Variants in ZMIZ1 observed in about 807,000 individuals in gnomAD.
ZMIZ1 encodes zinc finger MIZ-type containing 1.
A neutral mutation model predicts 113.9 loss-of-function variants in ZMIZ1; 17 were observed. The observed-to-expected ratio is 0.15, with a 90% CI of 0.10 to 0.22. The LOEUF (loss-of-function observed/expected upper bound fraction) is 0.22, where lower values mean the gene tolerates loss of function less well. ZMIZ1 is among the 10% of genes least tolerant of loss of function. The probability of loss-of-function intolerance (pLI) is 1.00; values close to 1 mark genes in which losing one functional copy is unlikely to be tolerated. For synonymous variants in ZMIZ1, 607 were observed against 603.1 expected (o/e 1.01, Z -0.09); for missense variants, 1,059 against 1,477.8 (o/e 0.72, Z 4.65).
intron 7 of ZMIZ1, among the ~76,000 whole-genome samples, chr10:79,221,647 A>G (rs185069803): frequency 8.0e-4 from 121 of 152,052 alleles, no homozygotes; most frequent in African/African-American, 2.8e-3. Flanking sequence ...CAACGTGGGC[A>G]CCAAGCACCA....
At chr10:79,245,470 A>T (rs1850136463) in intron 7 of ZMIZ1, among the ~76,000 whole-genome samples, 1 of 152,124 alleles carries the variant, frequency 6.6e-6, no homozygotes, top group Admixed American at 6.5e-5. Context: ...CTGAATGATG[A>T]TGGCACGAGT....
At chr10:79,295,250 G>A (rs1425370080) in intron 12 of ZMIZ1, 1 of 152,228 alleles carries the variant, frequency 6.6e-6, no homozygotes, top group African/African-American at 2.4e-5. Context: ...CTGGTCATTG[G>A]TGTCACCCCT....
At chr10:79,169,601 C>T (rs1473357014) in intron 4 of ZMIZ1, among the ~76,000 whole-genome samples, 1 of 152,218 alleles carries the variant, frequency 6.6e-6, no homozygotes, top group Non-Finnish European at 1.5e-5. Flanking sequence ...AGTCACTACA[C>T]AGTTTTGCTC....
chr10:79,298,923 C>G (rs368394239), intron 15 of ZMIZ1, 127 bp from the exon 16 acceptor site: 1 of 1,278,370 alleles, frequency 7.8e-7, no homozygotes, highest in African/African-American at 1.5e-5. Context: ...GGCTATGTCT[C>G]TGGCCCTGTT....
At chr10:79,262,963 G>C (rs1851361973) in intron 7 of ZMIZ1, among the ~76,000 whole-genome samples, 1 of 152,274 alleles carries the variant, frequency 6.6e-6, no homozygotes, top group South Asian at 2.1e-4. Flanking sequence ...CGATTAGGAA[G>C]TCAAGACGTA....
chr10:79,201,948 G>A lies in ZMIZ1; in HGVS notation c.60+256G>A, dbSNP rs1848102048. 2.6e-5 allele frequency among the ~76,000 whole-genome samples: 4 copies of A among 151,608 alleles called. No homozygotes were observed. In the South Asian group the frequency reaches 8.3e-4, roughly 32 times the overall value. On this transcript the variant is annotated intron_variant, in intron 5 of 24. Transcript: ENST00000334512. The stretch of plus-strand genomic sequence containing the variant: ...TTGGGCCAGTGTTGTGGCCTCTCTG[G>A]GCTCTGTTTATGTGCAAGGATGTAG...
chr10:79,203,363 C>T (rs762034981), intron 5 of ZMIZ1, among the ~76,000 whole-genome samples: 4 of 152,176 alleles, frequency 2.6e-5, no homozygotes, highest in Non-Finnish European at 4.4e-5. Flanking sequence ...CCAAATGGCT[C>T]TCCCAAACGC....
chr10:79,167,618 C>G (rs1346595204), intron 4 of ZMIZ1, among the ~76,000 whole-genome samples: 2 of 152,132 alleles, frequency 1.3e-5, no homozygotes, highest in Admixed American at 1.3e-4. Context: ...CAATTTCATT[C>G]CCCCCACACC....
chr10:79,225,707 C>T (rs920838685), intron 7 of ZMIZ1, among the ~76,000 whole-genome samples: 1 of 152,210 alleles, frequency 6.6e-6, no homozygotes, highest in African/African-American at 2.4e-5. Context: ...GCTGAGGTTG[C>T]AGTGGTTCTC....
intron 22 of ZMIZ1, among the ~76,000 whole-genome samples, chr10:79,307,128 C>T (rs1302764949): frequency 6.6e-6 from 1 of 152,100 alleles, no homozygotes; most frequent in Non-Finnish European, 1.5e-5. Context: ...GCCATGTCCC[C>T]CACTCCCCAC....
At chr10:79,138,465 C>G (rs1405231776) in intron 2 of ZMIZ1, among the ~76,000 whole-genome samples, 1 of 152,222 alleles carries the variant, frequency 6.6e-6, no homozygotes, top group African/African-American at 2.4e-5. Flanking sequence ...TTTGGGACAC[C>G]CCGTCCCCAA....
intron 1 of ZMIZ1, among the ~76,000 whole-genome samples, chr10:79,097,025 G>T (rs1206977048): frequency 6.6e-6 from 1 of 152,206 alleles, no homozygotes; most frequent in Non-Finnish European, 1.5e-5. Context: ...GGGGTCCCAT[G>T]TGGCTCGGGG....
chr10:79,196,958 G>A (rs1247669049), intron 4 of ZMIZ1, among the ~76,000 whole-genome samples: 5 of 152,332 alleles, frequency 3.3e-5, no homozygotes, highest in African/African-American at 9.6e-5. Context: ...TGAGGGAGAG[G>A]ACGGAGGGCC....
At chr10:79,106,222 G>A (rs1326709640) in intron 1 of ZMIZ1, among the ~76,000 whole-genome samples, 1 of 152,196 alleles carries the variant, frequency 6.6e-6, no homozygotes, top group African/African-American at 2.4e-5. Flanking sequence ...TCTCTCCTAG[G>A]CCAGAGACCA....
At chr10:79,125,740 C>T (rs1412826059) in intron 2 of ZMIZ1, among the ~76,000 whole-genome samples, 1 of 152,226 alleles carries the variant, frequency 6.6e-6, no homozygotes, top group East Asian at 1.9e-4. Context: ...AAAACCACAG[C>T]CTCTCTCTCG....
Position 79,206,106 on chromosome 10 carries a change from C to CAAAA in ZMIZ1, c.61-2219_61-2216dup, listed in dbSNP as rs79155220. On this transcript the variant is annotated intron_variant, in intron 5 of 24. Coordinates refer to ENST00000334512, the MANE Select transcript of ZMIZ1 (RefSeq NM_020338.4). ...CTGGGTGACAGAATGAGACCCTGTC[C>CAAAA]AAAAAAAAAAAAAAGCCAGCAAAGG... Among the ~76,000 whole-genome samples the CAAAA allele has an allele frequency of 2.5e-3, 236 of 95,098 alleles. 1 individual carries two copies. The highest frequency in any genetic ancestry group is 9.1e-3 in the African/African-American group (231 of 25,308). 62.4% of individuals were successfully genotyped at this position (95,098 alleles called of 152,430 possible).
At chr10:79,109,174 G>A (rs778349739) in intron 1 of ZMIZ1, among the ~76,000 whole-genome samples, 19 of 151,938 alleles carry the variant, frequency 1.3e-4, no homozygotes, top group Non-Finnish European at 2.1e-4. Context: ...GGCTCTGGGA[G>A]GTGGATGTCT....
chr10:79,299,277 G>A lies in ZMIZ1; in HGVS notation c.1808+86G>A. 3 of 1,498,322 alleles carry A rather than the reference G, an allele frequency of 2.0e-6. No individual in the cohort carries two copies. In the East Asian group the frequency reaches 6.9e-5, roughly 35 times the overall value. The allele number at this position is 1,498,322 out of a possible 1,614,324, so 92.8% of individuals were successfully genotyped here. ...TCCTTGGGCCCGAGTGGGGCCCTGG[G>A]CAGGGGGTAGCAGCATCTTCTGACA... is the stretch of plus-strand genomic sequence containing the variant. On this transcript the variant is annotated intron_variant, in intron 16 of 24. Coordinates refer to ENST00000334512, the MANE Select transcript of ZMIZ1 (RefSeq NM_020338.4).
chr10:79,103,062 G>T (rs1035001753), intron 1 of ZMIZ1, among the ~76,000 whole-genome samples: 1 of 152,164 alleles, frequency 6.6e-6, no homozygotes, highest in African/African-American at 2.4e-5. Context: ...GTTACGGAGC[G>T]GCTGGGGTGG....
Sources: gnomAD v4.1 joint callset for allele counts (sites outside exome capture counted in the v4.1 genomes callset) on GRCh38, gnomAD v4.1.1 for gene constraint, MANE v1.5 for transcripts, NCBI Gene and HGNC (gene_info 2026-07-23, HGNC 2026-07-21) for gene names.